NKAIN2: variants seen among roughly 807,000 people sequenced by gnomAD.
NKAIN2 encodes sodium/potassium transporting ATPase interacting 2.
NKAIN2 carries 14 observed loss-of-function variants against 32.6 expected under a neutral mutation model. The observed-to-expected ratio is 0.43, with a 90% CI of 0.28 to 0.67. NKAIN2 has a LOEUF of 0.67. Ranked by LOEUF, NKAIN2 falls within the 30% of genes least tolerant of loss-of-function variation. The probability of loss-of-function intolerance (pLI) is 0.17; values close to 1 mark genes in which losing one functional copy is unlikely to be tolerated. For synonymous variants in NKAIN2, 80 were observed against 87.2 expected (o/e 0.92, Z 0.46); for missense variants, 198 against 258.3 (o/e 0.77, Z 1.60).
chr6:124,303,653 G>A (rs959252361), intron 2 of NKAIN2, among the ~76,000 whole-genome samples: 7 of 152,228 alleles, frequency 4.6e-5, no homozygotes, highest in African/African-American at 1.7e-4. Flanking sequence ...AACAAGGTGG[G>A]TTAGCACCCA....
intron 3 of NKAIN2, among the ~76,000 whole-genome samples, chr6:124,388,844 T>A (rs2114405433): frequency 6.6e-6 from 1 of 152,206 alleles, no homozygotes; most frequent in African/African-American, 2.4e-5. Flanking sequence ...TTGGCATTTT[T>A]ATGCTTTTTT....
intron 1 of NKAIN2, among the ~76,000 whole-genome samples, chr6:124,196,908 C>A (rs1244553917): frequency 6.6e-6 from 1 of 151,724 alleles, no homozygotes; most frequent in Non-Finnish European, 1.5e-5. Context: ...AAGGAAGAAC[C>A]TCATTGTCAT....
intron 2 of NKAIN2, among the ~76,000 whole-genome samples, chr6:124,322,329 A>C (rs1797232906): frequency 6.6e-6 from 1 of 152,188 alleles, no homozygotes; most frequent in Non-Finnish European, 1.5e-5. Context: ...ATTTATAGGA[A>C]GTTGAAGAAC....
chr6:124,161,024 A>G (rs1001116204), intron 1 of NKAIN2, among the ~76,000 whole-genome samples: 2 of 152,196 alleles, frequency 1.3e-5, no homozygotes, highest in Admixed American at 6.5e-5. Context: ...ACTAAATGTG[A>G]CTGTCTTTGA....
intron 1 of NKAIN2, among the ~76,000 whole-genome samples, chr6:124,073,084 G>T (rs1042335480): frequency 2.6e-5 from 4 of 152,208 alleles, no homozygotes; most frequent in Non-Finnish European, 5.9e-5. Context: ...TTGTGAAGAA[G>T]TAGAACAAAG....
intron 2 of NKAIN2, among the ~76,000 whole-genome samples, chr6:124,343,616 G>C (rs367635668): frequency 6.6e-5 from 10 of 151,792 alleles, no homozygotes; most frequent in Non-Finnish European, 7.4e-5. Context: ...TCTTTTGGCT[G>C]CATAAATGTC....
intron 1 of NKAIN2, among the ~76,000 whole-genome samples, chr6:124,172,501 A>C (rs1012433240): frequency 6.6e-6 from 1 of 152,114 alleles, no homozygotes; most frequent in Non-Finnish European, 1.5e-5. Context: ...ATAAACCTCA[A>C]AATTTCCCTC....
chr6:124,544,274 G>A (rs1780012557), intron 3 of NKAIN2, among the ~76,000 whole-genome samples: 1 of 151,824 alleles, frequency 6.6e-6, no homozygotes, highest in Admixed American at 6.6e-5. Context: ...CAGTCGAGAA[G>A]GAAATTTTCA....
Position 124,818,409 on chromosome 6 carries a change from C to T in NKAIN2, c.558C>T (p.Asp186=). 6.2e-7 allele frequency: 1 copy of T among 1,602,676 alleles called. No individual in the cohort carries two copies. The highest frequency in any genetic ancestry group is 2.2e-5 in the East Asian group (1 of 44,742). The part of the protein sequence containing the change: ...EDSFDFIGGF[D]SYGYQGPQKT... ...CAGTTGATTTCATAGGTGGCTTTGA[C>T]TCTTATGGCTATCAAGGGCCTCAGA... is the stretch of plus-strand genomic sequence containing the variant. Residue 186 remains aspartate, a synonymous_variant, in exon 6 of 7, where the codon GAC becomes GAT. Coordinates refer to ENST00000368417, the MANE Select transcript of NKAIN2 (RefSeq NM_001040214.3).
chr6:124,422,910 T>C (rs1020761646), intron 3 of NKAIN2, among the ~76,000 whole-genome samples: 2 of 152,212 alleles, frequency 1.3e-5, no homozygotes, highest in African/African-American at 4.8e-5. Context: ...TTATAAATGG[T>C]TGAGTAAATC....
At chr6:124,202,824 G>A (rs1162301518) in intron 1 of NKAIN2, among the ~76,000 whole-genome samples, 5 of 151,788 alleles carry the variant, frequency 3.3e-5, no homozygotes, top group Non-Finnish European at 7.4e-5. Context: ...AGAAGCTTAT[G>A]AGGGAGTTAT....
At chr6:123,991,335 C>T (rs1779400542) in intron 1 of NKAIN2, among the ~76,000 whole-genome samples, 1 of 152,120 alleles carries the variant, frequency 6.6e-6, no homozygotes, top group Admixed American at 6.5e-5. Flanking sequence ...AAGTCATGGG[C>T]AGGCATGAGA....
intron 4 of NKAIN2, among the ~76,000 whole-genome samples, chr6:124,723,067 C>G (rs1360457439): frequency 6.6e-6 from 1 of 152,130 alleles, no homozygotes; most frequent in Non-Finnish European, 1.5e-5. Context: ...TTTTGATACA[C>G]AACCTACCAT....
intron 1 of NKAIN2, among the ~76,000 whole-genome samples, chr6:124,204,383 G>A (rs1790751652): frequency 6.6e-6 from 1 of 151,518 alleles, no homozygotes; most frequent in African/African-American, 2.4e-5. Flanking sequence ...AGATTTTTTA[G>A]GTTTTAAATC....
intron 1 of NKAIN2, among the ~76,000 whole-genome samples, chr6:124,047,402 T>C (rs951672205): frequency 2.0e-5 from 3 of 151,966 alleles, no homozygotes; most frequent in Non-Finnish European, 4.4e-5. Context: ...GACAGTAAAA[T>C]ATAGAGTAGA....
intron 3 of NKAIN2, among the ~76,000 whole-genome samples, chr6:124,509,691 A>G (rs1778635775): frequency 6.6e-6 from 1 of 152,212 alleles, no homozygotes; most frequent in South Asian, 2.1e-4. Flanking sequence ...TAATTTTCTC[A>G]CGTCATCCTT....
Position 124,065,993 on chromosome 6 carries a change from A to G in NKAIN2, c.55-217012A>G, listed in dbSNP as rs538246057. Among the ~76,000 whole-genome samples, 36 of 152,210 alleles carry G rather than the reference A, an allele frequency of 2.4e-4. No individual in the cohort carries two copies. The South Asian group carries it at 4.1e-3, about 18-fold the overall frequency. On this transcript the variant is annotated intron_variant, in intron 1 of 6. Transcript: ENST00000368417. ...CAAGTGCATGAATGTCTAGATGGGG[A>G]GATTAAAGAGAAGGAAGTGGGGAAC...
rs192829048 is a variant in NKAIN2, at chr6:124,632,550, T to C, written c.274-25636T>C. Among the ~76,000 whole-genome samples the C allele has an allele frequency of 1.5e-3, 229 of 152,322 alleles. 2 individuals are homozygous for C. The highest frequency in any genetic ancestry group is 1.5e-4 in the Non-Finnish European group (10 of 68,026). On this transcript the variant is annotated intron_variant, in intron 3 of 6. Transcript: ENST00000368417. ...TTCTTGAGTGAATACCCCCTCCTCT[T>C]AAAAGTGTTCCTTAAAACTGATAAT...
chr6:124,500,929 G>C (rs1418548661), intron 3 of NKAIN2, among the ~76,000 whole-genome samples: 1 of 152,116 alleles, frequency 6.6e-6, no homozygotes, highest in Non-Finnish European at 1.5e-5. Context: ...GGTTGAATTT[G>C]AGTATGCCTA....
Sources: gnomAD v4.1 joint callset for allele counts (sites outside exome capture counted in the v4.1 genomes callset) on GRCh38, gnomAD v4.1.1 for gene constraint, MANE v1.5 for transcripts, NCBI Gene and HGNC (gene_info 2026-07-23, HGNC 2026-07-21) for gene names.